The following DOCK4 variants were observed in gnomAD, a reference collection of about 807,000 sequenced individuals.
DOCK4 encodes the protein dedicator of cytokinesis protein 4.
Under a neutral mutation model 268.1 loss-of-function variants are expected in DOCK4, and 97 were observed. The ratio of observed to expected loss-of-function variants is 0.36; its 90% CI spans 0.31 to 0.43. The LOEUF (loss-of-function observed/expected upper bound fraction) is 0.43, where lower values mean the gene tolerates loss of function less well. DOCK4 is among the 20% of genes least tolerant of loss of function. DOCK4 has a pLI of 1.00. For synonymous variants in DOCK4, 954 were observed against 887.2 expected, an observed-to-expected ratio of 1.08 and a Z score of -1.34; for missense variants, 2,145 against 2,455.7, an observed-to-expected ratio of 0.87 and a Z score of 2.67.
chr7:111,901,902 A>G, intron 13 of DOCK4, 101 bp from the exon 14 acceptor site: 1 of 789,108 alleles, frequency 1.3e-6, no homozygotes, highest in Non-Finnish European at 2.0e-6. Flanking sequence ...ATACTGCTAT[A>G]CATACATATA....
At chr7:112,157,363 C>T (rs1377944425) in intron 1 of DOCK4, among the ~76,000 whole-genome samples, 1 of 152,008 alleles carries the variant, frequency 6.6e-6, no homozygotes, top group Non-Finnish European at 1.5e-5. Flanking sequence ...ACATGGTACA[C>T]TGCCGGCCAG....
In DOCK4 at chr7:111,847,144, A is replaced by G; in HGVS notation, c.2474-18T>C. 1 of 1,613,382 alleles carries G rather than the reference A, an allele frequency of 6.2e-7. No homozygotes were observed. The highest frequency in any genetic ancestry group is 8.5e-7 in the Non-Finnish European group (1 of 1,179,476). On this transcript the variant is annotated intron_variant, in intron 23 of 52. Coordinates refer to ENST00000428084, the MANE Select transcript of DOCK4 (RefSeq NM_001363540.2). ...TCGGGAATCTGAAGAGAGAAGAGTC[A>G]TTAGTGTCACATCTGTTGGAGTCCC...
At chr7:111,745,473 G>C (rs1169621886) in intron 44 of DOCK4, among the ~76,000 whole-genome samples, 2 of 151,836 alleles carry the variant, frequency 1.3e-5, no homozygotes, top group Non-Finnish European at 2.9e-5. Flanking sequence ...ACAAGGTCAG[G>C]AGATCGAGAC....
intron 12 of DOCK4, among the ~76,000 whole-genome samples, chr7:111,920,093 G>A (rs73205402): frequency 0.13 from 20,488 of 152,132 alleles, 1,504 homozygotes; most frequent in Non-Finnish European, 0.16. Flanking sequence ...GAAGCAGAGA[G>A]TGGAATGATG....
At chr7:111,875,480 T>C (rs1806777903) in intron 17 of DOCK4, among the ~76,000 whole-genome samples, 1 of 152,212 alleles carries the variant, frequency 6.6e-6, no homozygotes, top group African/African-American at 2.4e-5. Flanking sequence ...CTCAAGAACC[T>C]GTTCCAAGAA....
At chr7:111,795,387 T>C (rs35255440) in intron 30 of DOCK4, among the ~76,000 whole-genome samples, 50 of 152,290 alleles carry the variant, frequency 3.3e-4, no homozygotes, top group Admixed American at 5.2e-4. Context: ...AGGAACAATC[T>C]GTGGCTCTGA....
chr7:112,069,502 G>C (rs569632740), intron 1 of DOCK4, among the ~76,000 whole-genome samples: 1 of 152,090 alleles, frequency 6.6e-6, no homozygotes, highest in African/African-American at 2.4e-5. Flanking sequence ...TAAAACTGTC[G>C]TTCTCAGTTT....
rs76827463 is a variant in DOCK4, at chr7:111,998,107, G to C, written c.218+341C>G. Among the ~76,000 whole-genome samples the C allele has an allele frequency of 9.5e-3, 1,444 of 152,264 alleles. 65 individuals carry two copies. In the East Asian group the frequency reaches 0.12, roughly 12 times the overall value. ...AACCTAGGAAATTCCTGGGGTTTGA[G>C]ATAATATGACAGCATTTAATGGGTC... On this transcript the variant is annotated intron_variant, in intron 4 of 52. Transcript: ENST00000428084.
chr7:112,018,603 C>A (rs1802063893), intron 1 of DOCK4, among the ~76,000 whole-genome samples: 1 of 152,104 alleles, frequency 6.6e-6, no homozygotes, highest in Non-Finnish European at 1.5e-5. Flanking sequence ...CAGATGTTGT[C>A]TACAATAATT....
chr7:111,843,436 G>A (rs966885567), intron 25 of DOCK4, among the ~76,000 whole-genome samples: 16 of 152,100 alleles, frequency 1.1e-4, no homozygotes, highest in Non-Finnish European at 4.4e-5. Context: ...CACTGAAGAG[G>A]ATATATAGAT....
intron 51 of DOCK4, among the ~76,000 whole-genome samples, chr7:111,734,436 C>T (rs899485300): frequency 2.6e-5 from 4 of 152,188 alleles, no homozygotes; most frequent in Non-Finnish European, 4.4e-5. Context: ...ATCCACTCAC[C>T]TTGGTCTCCC....
intron 16 of DOCK4, among the ~76,000 whole-genome samples, chr7:111,881,026 T>A (rs1309173602): frequency 6.6e-6 from 1 of 152,104 alleles, no homozygotes; most frequent in Non-Finnish European, 1.5e-5. Context: ...GGGCAAAAAT[T>A]TCTTGAGCAT....
At chr7:111,779,899 G>A (rs1276048098) in intron 35 of DOCK4, among the ~76,000 whole-genome samples, 1 of 152,212 alleles carries the variant, frequency 6.6e-6, no homozygotes, top group African/African-American at 2.4e-5. Context: ...TGAAATCTCT[G>A]CTGGAGACAC....
chr7:112,128,426 G>A (rs547991519), intron 1 of DOCK4, among the ~76,000 whole-genome samples: 1 of 152,308 alleles, frequency 6.6e-6, no homozygotes, highest in South Asian at 2.1e-4. Context: ...GTGCCCAACA[G>A]CTCATTGAGA....
At chr7:112,028,247 TTAA>T (rs1476782121) in intron 1 of DOCK4, among the ~76,000 whole-genome samples, 3 of 152,224 alleles carry the variant, frequency 2.0e-5, no homozygotes, top group African/African-American at 7.2e-5. Flanking sequence ...AAGGAATATG[TTAA>T]TATGTTCAAA....
chr7:112,073,355 C>T (rs891915704), intron 1 of DOCK4, among the ~76,000 whole-genome samples: 2 of 152,012 alleles, frequency 1.3e-5, no homozygotes, highest in African/African-American at 4.8e-5. Context: ...TTTACTGTCG[C>T]ATTATCCACA....
intron 1 of DOCK4, among the ~76,000 whole-genome samples, chr7:112,190,257 C>T (rs1257507322): frequency 1.3e-5 from 2 of 152,012 alleles, no homozygotes; most frequent in African/African-American, 2.4e-5. Flanking sequence ...AACCACACAG[C>T]ATCTCTGGCC....
chr7:111,982,085 C>T lies in DOCK4; in HGVS notation c.549+2221G>A, dbSNP rs775730101. Among the ~76,000 whole-genome samples the T allele has an allele frequency of 4.6e-5, 7 of 152,118 alleles. No individual in the cohort carries two copies. The South Asian group carries it at 8.3e-4, about 18-fold the overall frequency. On this transcript the variant is annotated intron_variant, in intron 7 of 52. Coordinates refer to ENST00000428084, the MANE Select transcript of DOCK4 (RefSeq NM_001363540.2). Reference sequence around the variant, plus strand: ...ATGAGATGTAAGTGCAAGTGTTGTGCGGAACTTCCAGGAAGGTTCATTAAA... The same window carrying T: ...ATGAGATGTAAGTGCAAGTGTTGTGTGGAACTTCCAGGAAGGTTCATTAAA...
chr7:111,869,365 T>A (rs1586221839), intron 21 of DOCK4: 2 of 515,592 alleles, frequency 3.9e-6, no homozygotes, highest in Non-Finnish European at 7.2e-6. Context: ...AAGGATTCAA[T>A]CCTGAACAGT....
Sources: allele counts gnomAD v4.1 joint callset (sites outside exome capture counted in the v4.1 genomes callset), GRCh38; gene constraint gnomAD v4.1.1; transcripts MANE v1.5; gene names NCBI Gene and HGNC (gene_info 2026-07-23, HGNC 2026-07-21).